The following SUGCT variants were observed in gnomAD, a reference collection of about 807,000 sequenced individuals.
SUGCT encodes the protein succinyl-CoA:glutarate-CoA transferase, also known as succinyl-CoA:glutarate CoA-transferase.
In SUGCT, 41 loss-of-function variants were observed where a neutral mutation model predicts 55.0. That is an observed-to-expected ratio of 0.74 (90% CI 0.58 to 0.97). SUGCT has a LOEUF of 0.97. Among genes scored for constraint, SUGCT ranks in the 50% least tolerant of loss-of-function variants. The pLI is 0.00. For synonymous variants in SUGCT, 187 were observed against 200.4 expected (o/e 0.93, Z 0.56); for missense variants, 568 against 547.8 (o/e 1.04, Z -0.37).
chr7:40,371,136 G>A (rs752334344), intron 9 of SUGCT, among the ~76,000 whole-genome samples: 2 of 152,024 alleles, frequency 1.3e-5, no homozygotes, highest in Non-Finnish European at 2.9e-5. Context: ...AGTCCATTTT[G>A]ACCAGTTCTC....
intron 9 of SUGCT, among the ~76,000 whole-genome samples, chr7:40,427,553 C>T (rs1787651515): frequency 6.6e-6 from 1 of 152,164 alleles, no homozygotes; most frequent in African/African-American, 2.4e-5. Flanking sequence ...AATGTTTGAA[C>T]TCCACTCATT....
chr7:40,966,512 G>A, the SUGCT span: 3 of 152,288 alleles, frequency 2.0e-5, no homozygotes, highest in African/African-American at 7.2e-5. Flanking sequence ...TTCACGCTCA[G>A]AGCCTAACTC....
At chr7:40,660,010 C>T (rs1801225839) in intron 12 of SUGCT, among the ~76,000 whole-genome samples, 1 of 152,130 alleles carries the variant, frequency 6.6e-6, no homozygotes, top group African/African-American at 2.4e-5. Context: ...CTCCAACTTC[C>T]ATTATAAGAC....
At chr7:40,419,011 G>A (rs1458365415) in intron 9 of SUGCT, among the ~76,000 whole-genome samples, 1 of 152,068 alleles carries the variant, frequency 6.6e-6, no homozygotes, top group Non-Finnish European at 1.5e-5. Flanking sequence ...ACATGTATTT[G>A]GAAATTGTGA....
intron 1 of SUGCT, among the ~76,000 whole-genome samples, chr7:40,159,238 C>T (rs563072711): frequency 1.3e-3 from 202 of 151,194 alleles, no homozygotes; most frequent in African/African-American, 4.6e-3. Flanking sequence ...TCTTTATGTC[C>T]GGTTTTTACA....
chr7:40,521,834 T>G (rs1318649421), intron 12 of SUGCT, among the ~76,000 whole-genome samples: 1 of 152,096 alleles, frequency 6.6e-6, no homozygotes, highest in Non-Finnish European at 1.5e-5. Flanking sequence ...CTAATAATAG[T>G]TGCATCTTTG....
At chr7:40,608,666 G>A (rs555880614) in intron 12 of SUGCT, among the ~76,000 whole-genome samples, 5 of 152,148 alleles carry the variant, frequency 3.3e-5, no homozygotes, top group South Asian at 2.1e-4. Flanking sequence ...TTGTGAAAAC[G>A]GTGTGTTTTT....
chr7:40,373,817 G>C (rs137879606), intron 9 of SUGCT, among the ~76,000 whole-genome samples: 115 of 152,176 alleles, frequency 7.6e-4, no homozygotes, highest in African/African-American at 2.7e-3. Context: ...TAACAGGAGT[G>C]ATAGAAATCT....
At chr7:40,218,489 C>G (rs569903267) in intron 6 of SUGCT, among the ~76,000 whole-genome samples, 1 of 152,110 alleles carries the variant, frequency 6.6e-6, no homozygotes, top group Non-Finnish European at 1.5e-5. Flanking sequence ...GCTTCTGGGT[C>G]GGGTGAGGAC....
chr7:40,535,621 A>G (rs1328765069), intron 12 of SUGCT, among the ~76,000 whole-genome samples: 1 of 152,188 alleles, frequency 6.6e-6, no homozygotes, highest in Non-Finnish European at 1.5e-5. Context: ...ATCAACCTAC[A>G]TGCCAATCAG....
intron 12 of SUGCT, among the ~76,000 whole-genome samples, chr7:40,523,141 G>C (rs917104159): frequency 6.6e-6 from 1 of 151,992 alleles, no homozygotes; most frequent in African/African-American, 2.4e-5. Flanking sequence ...AAAGTGGTAA[G>C]TCCCTTTCAA....
intron 8 of SUGCT, among the ~76,000 whole-genome samples, chr7:40,314,581 T>TTTTTTTA (rs869061757): frequency 1.3e-5 from 2 of 148,958 alleles, no homozygotes; most frequent in Non-Finnish European, 1.5e-5. Flanking sequence ...TTTTTTTTTT[T>TTTTTTTA]AAGACAGAGT....
chr7:40,382,961 T>C (rs1213779176), intron 9 of SUGCT, among the ~76,000 whole-genome samples: 1 of 152,194 alleles, frequency 6.6e-6, no homozygotes, highest in East Asian at 1.9e-4. Context: ...TTATTTTTAT[T>C]GAATGTACAA....
chr7:40,401,567 A>T (rs964735449), intron 9 of SUGCT, among the ~76,000 whole-genome samples: 1 of 152,068 alleles, frequency 6.6e-6, no homozygotes, highest in Non-Finnish European at 1.5e-5. Context: ...TAGGTTAAGG[A>T]CTCTGTATTC....
At chr7:40,576,228 G>A (rs948954447) in intron 12 of SUGCT, among the ~76,000 whole-genome samples, 1 of 152,192 alleles carries the variant, frequency 6.6e-6, no homozygotes, top group Admixed American at 6.5e-5. Flanking sequence ...GATGAGAAGT[G>A]TTTATCTGTT....
the SUGCT span, among the ~76,000 whole-genome samples, chr7:40,930,465 T>C: frequency 6.6e-6 from 1 of 152,144 alleles, no homozygotes; most frequent in African/African-American, 2.4e-5. Context: ...AAGAAAGTCA[T>C]TGGTAGCTTG....
intron 9 of SUGCT, among the ~76,000 whole-genome samples, chr7:40,396,685 C>T (rs762143903): frequency 1.3e-5 from 2 of 152,162 alleles, no homozygotes; most frequent in African/African-American, 2.4e-5. Context: ...TGATTTCCCA[C>T]GTTATTTATT....
chr7:40,910,253 G>C, the SUGCT span, among the ~76,000 whole-genome samples: 1 of 152,056 alleles, frequency 6.6e-6, no homozygotes, highest in Non-Finnish European at 1.5e-5. Context: ...TCAAGCTGGA[G>C]ACGGAAGACT....
At chr7:40,981,385 C>A in the SUGCT span, among the ~76,000 whole-genome samples, 28 of 152,262 alleles carry the variant, frequency 1.8e-4, no homozygotes, top group East Asian at 4.6e-3. Context: ...CTGGCAGTGT[C>A]TTTGCTGGTA....
Sources: gnomAD v4.1 joint callset for allele counts (sites outside exome capture counted in the v4.1 genomes callset) on GRCh38, gnomAD v4.1.1 for gene constraint, MANE v1.5 for transcripts, NCBI Gene and HGNC (gene_info 2026-07-23, HGNC 2026-07-21) for gene names.